KLHL1: variants seen among roughly 807,000 people sequenced by gnomAD.
KLHL1 encodes kelch-like protein 1.
KLHL1 carries 47 observed loss-of-function variants against 77.7 expected under a neutral mutation model. The observed-to-expected ratio is 0.60, with a 90% CI of 0.48 to 0.77. The LOEUF is 0.77. Ranked by LOEUF, KLHL1 falls within the 30% of genes least tolerant of loss-of-function variation. The pLI, the probability that KLHL1 is intolerant of heterozygous loss-of-function variation, is 0.00. For missense variants in KLHL1, 925 were observed against 910.8 expected, an observed-to-expected ratio of 1.02 and a Z score of -0.20; for synonymous variants, 360 against 325.2, an observed-to-expected ratio of 1.11 and a Z score of -1.15.
chr13:69,878,477 A>G (rs1218165139), intron 5 of KLHL1, among the ~76,000 whole-genome samples: 1 of 152,104 alleles, frequency 6.6e-6, no homozygotes, highest in Non-Finnish European at 1.5e-5. Context: ...AAATTAGACC[A>G]AGTACTGTTT....
At chr13:70,061,079 G>T (rs1886868648) in intron 1 of KLHL1, among the ~76,000 whole-genome samples, 1 of 152,058 alleles carries the variant, frequency 6.6e-6, no homozygotes, top group Admixed American at 6.6e-5. Context: ...CAGGCTGGGA[G>T]GGGTCACTGG....
At position 70,107,617 on chromosome 13, in the gene KLHL1, G is replaced by A. The variant is rs201323322; in HGVS notation, c.83C>T (p.Ser28Phe). Residue 28 changes from serine to phenylalanine, a missense_variant, in exon 1 of 11, where the codon TCC (serine) becomes TTC (phenylalanine). Transcript: ENST00000377844. ...RWKLFSHPSP[S>F]TGGPAGGGCL... ...GCCTCCCCCCGCCGGGCCGCCGGTG[G>A]AAGGAGACGGGTGGCTGAAGAGTTT... 5.7e-6 allele frequency: 9 copies of A among 1,584,424 alleles called. No individual in the cohort carries two copies. In the South Asian group the frequency reaches 8.2e-5, roughly 14 times the overall value.
intron 8 of KLHL1, among the ~76,000 whole-genome samples, chr13:69,734,078 G>T (rs1566193951): frequency 6.6e-6 from 1 of 152,056 alleles, no homozygotes; most frequent in African/African-American, 2.4e-5. Context: ...TGGAGGTGGG[G>T]CCTGGTGGGG....
intron 2 of KLHL1, among the ~76,000 whole-genome samples, chr13:69,968,364 T>A (rs1013821382): frequency 1.3e-5 from 2 of 149,536 alleles, no homozygotes; most frequent in African/African-American, 4.9e-5. Flanking sequence ...TAAACAAATA[T>A]ATATATAAAT....
intron 5 of KLHL1, among the ~76,000 whole-genome samples, chr13:69,858,979 T>C (rs1469971332): frequency 2.0e-5 from 3 of 152,094 alleles, no homozygotes; most frequent in Admixed American, 6.6e-5. Flanking sequence ...GATTCACCTA[T>C]TCATATACGT....
intron 7 of KLHL1, among the ~76,000 whole-genome samples, chr13:69,785,172 G>A (rs193174068): frequency 8.5e-5 from 13 of 152,052 alleles, no homozygotes; most frequent in East Asian, 7.8e-4. Flanking sequence ...GATTACAGGC[G>A]TGAGCCACCG....
intron 1 of KLHL1, among the ~76,000 whole-genome samples, chr13:70,012,830 G>A (rs1885569075): frequency 6.6e-6 from 1 of 152,018 alleles, no homozygotes; most frequent in Non-Finnish European, 1.5e-5. Context: ...ATGAACCTGG[G>A]AGGCAGAGCT....
intron 7 of KLHL1, among the ~76,000 whole-genome samples, chr13:69,791,863 A>G (rs1320205296): frequency 3.3e-5 from 5 of 152,186 alleles, no homozygotes; most frequent in Non-Finnish European, 7.3e-5. Flanking sequence ...TCATGAACAT[A>G]GATTAGAAAA....
At chr13:70,078,623 G>C (rs1887318068) in intron 1 of KLHL1, among the ~76,000 whole-genome samples, 1 of 152,072 alleles carries the variant, frequency 6.6e-6, no homozygotes, top group Non-Finnish European at 1.5e-5. Context: ...ATTAACATTT[G>C]AGAGTCTTAG....
rs547260056 is a variant in KLHL1 at position 69,994,098 on chromosome 13, A to C, written c.498-18296T>G. 7.9e-5 allele frequency among the ~76,000 whole-genome samples: 12 copies of C among 152,264 alleles called. No individual in the cohort carries two copies. In the South Asian group the frequency reaches 2.3e-3, roughly 29 times the overall value. Reference sequence around the variant, plus strand: ...GCCTATGACTCCAAATTCAAGGCACAGATAAAGAACTGGGAAGCTTTTATG... The same window carrying C: ...GCCTATGACTCCAAATTCAAGGCACCGATAAAGAACTGGGAAGCTTTTATG... On this transcript the variant is annotated intron_variant, in intron 1 of 10. Coordinates refer to ENST00000377844, the MANE Select transcript of KLHL1 (RefSeq NM_020866.3).
intron 3 of KLHL1, among the ~76,000 whole-genome samples, chr13:69,941,495 T>TATC (rs1196901458): frequency 1.3e-5 from 2 of 151,904 alleles, no homozygotes; most frequent in Non-Finnish European, 2.9e-5. Context: ...TAAATGCCTA[T>TATC]ATCAAAAAGT....
chr13:70,068,358 CA>C (rs1220646376), intron 1 of KLHL1, among the ~76,000 whole-genome samples: 1 of 135,732 alleles, frequency 7.4e-6, no homozygotes, highest in Admixed American at 7.0e-5. Flanking sequence ...AAAACAAAAA[CA>C]AAAACAAAAA....
intron 4 of KLHL1, chr13:69,894,892 A>G (rs1881573440): frequency 3.0e-6 from 1 of 331,212 alleles, no homozygotes; most frequent in East Asian, 7.0e-5. Flanking sequence ...CACCTCTATC[A>G]TGGCATGCAC....
intron 1 of KLHL1, among the ~76,000 whole-genome samples, chr13:70,006,502 G>GT (rs35894102): frequency 0.77 from 106,329 of 138,956 alleles, 40,809 homozygotes; most frequent in Non-Finnish European, 0.8. Context: ...TCCCCCTCAA[G>GT]TTTTTTTTTT....
chr13:69,754,655 G>GA (rs896758398), intron 7 of KLHL1, among the ~76,000 whole-genome samples: 71 of 151,256 alleles, frequency 4.7e-4, no homozygotes, highest in Admixed American at 1.5e-3. Flanking sequence ...ATTGCCACTA[G>GA]AAAAAAAAAT....
intron 7 of KLHL1, among the ~76,000 whole-genome samples, chr13:69,780,996 GTA>G (rs1876159691): frequency 2.6e-5 from 4 of 151,484 alleles, no homozygotes; most frequent in Admixed American, 6.6e-5. Flanking sequence ...ATTTTAGTAA[GTA>G]AGTAAGTTTC....
intron 3 of KLHL1, among the ~76,000 whole-genome samples, chr13:69,957,056 T>C (rs1310229538): frequency 6.6e-6 from 1 of 151,638 alleles, no homozygotes; most frequent in Non-Finnish European, 1.5e-5. Context: ...CAATAACTCC[T>C]GAATAACTTT....
rs1259414826 is a variant in KLHL1, at chr13:69,961,411, C to T, written c.714G>A (p.Ala238=). ...LVLSSVSDYF[A]AMFTSDVCEA... is the part of the protein sequence containing the mutation. ...CACAAACATCACTTGTAAACATGGC[C>T]GCAAAATAGTCGGAGACTGAACTCA... is the stretch of plus-strand genomic sequence containing the variant. The change falls in exon 3 of 11, where the codon GCG becomes GCA. Residue 238 remains alanine (A), a synonymous_variant. Coordinates refer to ENST00000377844, the MANE Select transcript of KLHL1 (RefSeq NM_020866.3). 21 of 1,612,710 alleles carry T rather than the reference C, an allele frequency of 1.3e-5. No individual in the cohort carries two copies. The highest frequency in any genetic ancestry group is 3.3e-5 in the Admixed American group (2 of 59,818).
chr13:69,792,640 G>A lies in KLHL1; in HGVS notation c.1639+4098C>T, dbSNP rs1044551571. ...TAACAGCCAAACTATAGAAACAAAT[G>A]TCCTTCTATTGATGACGTATTAACA... On this transcript the variant is annotated intron_variant, in intron 7 of 10. Coordinates refer to ENST00000377844, the MANE Select transcript of KLHL1 (RefSeq NM_020866.3). 4.6e-5 allele frequency among the ~76,000 whole-genome samples: 7 copies of A among 152,178 alleles called. No homozygotes were observed. The South Asian group carries it at 1.5e-3, about 32-fold the overall frequency.
Sources: allele counts gnomAD v4.1 joint callset (sites outside exome capture counted in the v4.1 genomes callset), GRCh38; gene constraint gnomAD v4.1.1; transcripts MANE v1.5; gene names NCBI Gene and HGNC (gene_info 2026-07-23, HGNC 2026-07-21).